The following RAD17 variants were observed in gnomAD, a reference collection of about 807,000 sequenced individuals.
RAD17 encodes the protein RAD17 checkpoint clamp loader component.
Under a neutral mutation model 81.5 loss-of-function variants are expected in RAD17, and 31 were observed. That is an observed-to-expected ratio of 0.38 (90% CI 0.29 to 0.51). The LOEUF is 0.51. Among genes scored for constraint, RAD17 ranks in the 20% least tolerant of loss-of-function variants. The probability of loss-of-function intolerance (pLI) is 0.88; values close to 1 mark genes in which losing one functional copy is unlikely to be tolerated. For synonymous variants in RAD17, 261 were observed against 266.2 expected, an observed-to-expected ratio of 0.98 and a Z score of 0.19; for missense variants, 681 against 781.2, an observed-to-expected ratio of 0.87 and a Z score of 1.53.
At position 69,395,706 on chromosome 5, in the gene RAD17, AT is replaced by A. The variant is rs777639324; in HGVS notation, c.1423-690del. 5.3e-5 allele frequency among the ~76,000 whole-genome samples: 8 copies of A among 152,192 alleles called. No homozygotes were observed. The East Asian group carries it at 7.7e-4, about 15-fold the overall frequency. ...CACACAAATTAAAAATTAAAAAAAA[AT>A]GATAGTACAATGAATAGCTGCATAT... On this transcript the variant is annotated intron_variant, in intron 15 of 18. Coordinates refer to ENST00000354868, the MANE Select transcript of RAD17 (RefSeq NM_133338.3).
At chr5:69,374,220 G>T (rs1763199741) in intron 5 of RAD17, 133 bp downstream of exon 5, 2 of 794,634 alleles carry the variant, frequency 2.5e-6, no homozygotes, top group African/African-American at 1.8e-5. Context: ...AAAAATTCTG[G>T]ATTTTTTTAT....
At chr5:69,390,800 AT>A (rs1269899374) in intron 12 of RAD17, among the ~76,000 whole-genome samples, 6 of 72,264 alleles carry the variant, frequency 8.3e-5, no homozygotes, top group Non-Finnish European at 1.5e-4. Flanking sequence ...AATTAAAAAT[AT>A]ATATATATAT....
At chr5:69,392,155 C>A in intron 13 of RAD17, 142 bp downstream of exon 13, 1 of 613,308 alleles carries the variant, frequency 1.6e-6, no homozygotes, top group Non-Finnish European at 2.6e-6. Flanking sequence ...TTGCCTAGGC[C>A]TAAGACATAG....
chr5:69,378,627 C>A (rs758735896), intron 6 of RAD17, among the ~76,000 whole-genome samples: 5 of 152,126 alleles, frequency 3.3e-5, no homozygotes, highest in Non-Finnish European at 5.9e-5. Context: ...TTTTGCAAAC[C>A]TCTGGTAACA....
chr5:69,370,631 C>G (rs1762898048), intron 1 of RAD17: 1 of 152,488 alleles, frequency 6.6e-6, no homozygotes, highest in African/African-American at 2.4e-5. Flanking sequence ...CATGAGCCAC[C>G]GCGTCCGGCC....
chr5:69,375,828 G>A (rs961431665), intron 6 of RAD17, among the ~76,000 whole-genome samples: 1 of 151,088 alleles, frequency 6.6e-6, no homozygotes, highest in Non-Finnish European at 1.5e-5. Flanking sequence ...ATATATCTTA[G>A]GCCTTTTTTT....
chr5:69,393,421 A>T lies in RAD17; in HGVS notation c.1343A>T (p.Asp448Val), dbSNP rs772254345. 1.9e-6 allele frequency: 3 copies of T among 1,608,098 alleles called. No individual in the cohort carries two copies. Among genetic ancestry groups the T allele is most frequent in the South Asian group, 2.2e-5 (2 of 90,530 alleles). The change falls in exon 15 of 19, where the codon GAT becomes GTT. Residue 448 changes from aspartate to valine, a missense_variant. Coordinates refer to ENST00000354868, the MANE Select transcript of RAD17 (RefSeq NM_133338.3). Reference sequence around the variant, plus strand: ...TTATATCTTCACCAAAACTACATAGATTTCTTCATGGAAATTGATGATATT... The same window carrying T: ...TTATATCTTCACCAAAACTACATAGTTTTCTTCATGGAAATTGATGATATT... ...FNLYLHQNYI[D>V]FFMEIDDIVR... is the part of the protein sequence containing the mutation.
At chr5:69,413,936 A>G (rs771890093) in intron 18 of RAD17, 95 bp from the exon 19 acceptor site, 127 of 1,438,192 alleles carry the variant, frequency 8.8e-5, no homozygotes, top group Admixed American at 1.2e-4. Context: ...CAATGTAGGT[A>G]AATGAAAGAT....
chr5:69,403,681 C>A (rs1056207093), intron 17 of RAD17, among the ~76,000 whole-genome samples: 1 of 152,082 alleles, frequency 6.6e-6, no homozygotes, highest in South Asian at 2.1e-4. Context: ...GAACTTTGGG[C>A]GGCCAAGGTG....
intron 17 of RAD17, among the ~76,000 whole-genome samples, chr5:69,409,236 T>C (rs1447695263): frequency 6.6e-6 from 1 of 152,132 alleles, no homozygotes; most frequent in African/African-American, 2.4e-5. Flanking sequence ...CCCTCTGCTA[T>C]GTAACAAGCT....
intron 17 of RAD17, among the ~76,000 whole-genome samples, chr5:69,409,405 A>C (rs1168113874): frequency 1.3e-5 from 2 of 152,096 alleles, no homozygotes; most frequent in East Asian, 3.9e-4. Context: ...CCTGGAATGA[A>C]ATGTTCATCA....
At position 69,377,726 on chromosome 5, in the gene RAD17, C is replaced by CATGG. The variant is rs1360565052; in HGVS notation, c.351+3015_351+3016insATGG. Among the ~76,000 whole-genome samples, 165 of 26,024 alleles carry CATGG rather than the reference C, an allele frequency of 6.3e-3. 27 individuals carry two copies. Among genetic ancestry groups the CATGG allele is most frequent in the Non-Finnish European group, 0.011 (129 of 12,166 alleles). 17.1% of individuals were successfully genotyped at this position (26,024 alleles called of 152,430 possible). ...ATATATGTATTGGGAAAAGTATTTTCTTTATGGTTTCAAAAGTTTTCCCCC... is the reference window on the plus strand; with the variant it reads ...ATATATGTATTGGGAAAAGTATTTTCATGGTTTATGGTTTCAAAAGTTTTCCCCC... On this transcript the variant is annotated intron_variant, in intron 6 of 18. Transcript: ENST00000354868.
intron 6 of RAD17, among the ~76,000 whole-genome samples, chr5:69,381,137 ATTGTAT>A (rs777141790): frequency 2.6e-5 from 4 of 151,946 alleles, no homozygotes; most frequent in Non-Finnish European, 4.4e-5. Flanking sequence ...CCATAAGAAT[ATTGTAT>A]TTGTATAACA....
At chr5:69,393,652 T>C in intron 15 of RAD17, 152 bp downstream of exon 15, 1 of 683,760 alleles carries the variant, frequency 1.5e-6, no homozygotes, top group Non-Finnish European at 2.4e-6. Context: ...TCAGTGTTTA[T>C]AATGAAGCTT....
chr5:69,373,994 A>G lies in RAD17; in HGVS notation c.174A>G (p.Leu58=), dbSNP rs144653145. ...TTCCAGCGAGAAAAAGAGGAAATCT[A>G]TCTTCCTTAGAACAGATTTATGGTT... ...SRFPARKRGN[L]SSLEQIYGLE... is the part of the protein sequence containing the mutation. The change falls in exon 5 of 19, where the codon CTA becomes CTG. Residue 58 remains leucine (L), a synonymous_variant. Transcript: ENST00000354868. The G allele has an allele frequency of 1.7e-5, 28 of 1,612,890 alleles. No individual in the cohort carries two copies. The highest frequency in any genetic ancestry group is 1.1e-4 in the South Asian group (10 of 91,054).
chr5:69,389,875 A>G (rs2150826280), intron 12 of RAD17, among the ~76,000 whole-genome samples: 2 of 152,224 alleles, frequency 1.3e-5, no homozygotes, highest in African/African-American at 4.8e-5. Flanking sequence ...TGACCTCGTG[A>G]TCCGCCCGCC....
In RAD17 at chr5:69,373,909, G is replaced by T. The variant is rs149349546; in HGVS notation, c.89G>T (p.Gly30Val). Residue 30 changes from glycine (G) to valine (V), a missense_variant, in exon 5 of 19, where the codon GGT becomes GTT. By Grantham distance (109) the Gly-to-Val change is moderately radical. Transcript: ENST00000354868. ...TCTACTATTACTGCCACATCATTAG[G>T]TGTGAATAACTCAAGTCATAGAAGA... ...GVSTITATSLGVNNSSHRRKN... is the reference protein window; with the variant it reads ...GVSTITATSLVVNNSSHRRKN... 2.3e-4 allele frequency: 377 copies of T among 1,610,146 alleles called. 1 individual carries two copies. In the African/African-American group the frequency reaches 4.5e-3, roughly 19 times the overall value.
chr5:69,394,038 C>T (rs1764716192), intron 15 of RAD17, among the ~76,000 whole-genome samples: 1 of 148,706 alleles, frequency 6.7e-6, no homozygotes, highest in African/African-American at 2.5e-5. Flanking sequence ...TACAGGCACA[C>T]ACCACCATGC....
At chr5:69,369,809 C>T (rs1429507341), upstream of RAD17, 9 of 1,183,642 alleles carry the variant, frequency 7.6e-6, no homozygotes, top group South Asian at 4.3e-5. Flanking sequence ...GGAAGGTCCC[C>T]GGGAGGCCGT....
Sources: gnomAD v4.1 joint callset for allele counts (sites outside exome capture counted in the v4.1 genomes callset) on GRCh38, gnomAD v4.1.1 for gene constraint, MANE v1.5 for transcripts, NCBI Gene and HGNC (gene_info 2026-07-23, HGNC 2026-07-21) for gene names.